Variants in TAFA1 observed in about 807,000 individuals in gnomAD.
TAFA1 encodes the protein TAFA chemokine like family member 1.
A neutral mutation model predicts 18.5 loss-of-function variants in TAFA1; 4 were observed. The ratio of observed to expected loss-of-function variants is 0.22; its 90% CI spans 0.11 to 0.49. TAFA1 has a LOEUF of 0.49. Among genes scored for constraint, TAFA1 ranks in the 20% least tolerant of loss-of-function variants. TAFA1 has a pLI of 0.98. For missense variants in TAFA1, 147 were observed against 169.0 expected, an observed-to-expected ratio of 0.87 and a Z score of 0.72; for synonymous variants, 56 against 55.2, an observed-to-expected ratio of 1.01 and a Z score of -0.06.
At chr3:68,327,735 T>A (rs887157281) in intron 2 of TAFA1, among the ~76,000 whole-genome samples, 1 of 152,222 alleles carries the variant, frequency 6.6e-6, no homozygotes, top group African/African-American at 2.4e-5. Context: ...TTATTCATAA[T>A]CAATTAACAT....
At chr3:68,075,010 C>A (rs1429250319) in intron 2 of TAFA1, among the ~76,000 whole-genome samples, 1 of 152,118 alleles carries the variant, frequency 6.6e-6, no homozygotes, top group East Asian at 1.9e-4. Flanking sequence ...AAAAGTGTAC[C>A]TTTGGTTTTC....
intron 2 of TAFA1, among the ~76,000 whole-genome samples, chr3:68,018,501 C>T (rs1288712914): frequency 6.6e-6 from 1 of 152,186 alleles, no homozygotes; most frequent in African/African-American, 2.4e-5. Context: ...TGGTTTATTG[C>T]ACCTCCTAGG....
intron 2 of TAFA1, among the ~76,000 whole-genome samples, chr3:68,029,595 C>T (rs553584488): frequency 2.0e-5 from 3 of 152,270 alleles, no homozygotes; most frequent in East Asian, 3.9e-4. Flanking sequence ...CCTGGGACCT[C>T]CTTGTACAGT....
chr3:68,529,087 A>G (rs757889784), intron 3 of TAFA1, among the ~76,000 whole-genome samples: 1 of 151,712 alleles, frequency 6.6e-6, no homozygotes, highest in Non-Finnish European at 1.5e-5. Context: ...ACCCCATGCC[A>G]CTCAAAGATT....
intron 2 of TAFA1, among the ~76,000 whole-genome samples, chr3:68,111,142 T>G (rs1027436709): frequency 2.7e-4 from 41 of 152,160 alleles, no homozygotes; most frequent in Admixed American, 2.0e-3. Context: ...ACAAGCAACA[T>G]TTAAAATAAA....
intron 2 of TAFA1, among the ~76,000 whole-genome samples, chr3:68,400,046 T>C (rs2070458192): frequency 6.6e-6 from 1 of 152,212 alleles, no homozygotes; most frequent in African/African-American, 2.4e-5. Context: ...CCAGGTCCAG[T>C]CTGACTTAAC....
In TAFA1 at chr3:68,338,008, T is replaced by G. The variant is rs1158993805; in HGVS notation, c.119-79272T>G. Among the ~76,000 whole-genome samples the G allele has an allele frequency of 5.3e-5, 8 of 152,336 alleles. No homozygotes were observed. The East Asian group carries it at 1.5e-3, about 29-fold the overall frequency. ...CAAATTAGATTAGCTGGTGTTCAAG[T>G]GCAAAGCTTAAGGTTCTTTGGGTTG... On this transcript the variant is annotated intron_variant, in intron 2 of 4. Coordinates refer to ENST00000478136, the MANE Select transcript of TAFA1 (RefSeq NM_213609.4).
At chr3:68,424,971 G>C (rs1455661297) in intron 3 of TAFA1, among the ~76,000 whole-genome samples, 2 of 151,972 alleles carry the variant, frequency 1.3e-5, no homozygotes, top group African/African-American at 2.4e-5. Flanking sequence ...AGTCTTCCGA[G>C]TTAATGGATA....
chr3:68,307,844 A>G lies in TAFA1; in HGVS notation c.119-109436A>G, dbSNP rs189533769. ...AGGTGAGCTGAGGTCAGGATTAGTT[A>G]TATGTAAAGATGCATAAGAAATGGC... On this transcript the variant is annotated intron_variant, in intron 2 of 4. Coordinates refer to ENST00000478136, the MANE Select transcript of TAFA1 (RefSeq NM_213609.4). Among the ~76,000 whole-genome samples, 536 of 152,294 alleles carry G rather than the reference A, an allele frequency of 3.5e-3. 4 individuals are homozygous for G. The highest frequency in any genetic ancestry group is 0.012 in the African/African-American group (514 of 41,574).
At chr3:68,433,697 A>G (rs992075367) in intron 3 of TAFA1, among the ~76,000 whole-genome samples, 1 of 152,134 alleles carries the variant, frequency 6.6e-6, no homozygotes, top group African/African-American at 2.4e-5. Flanking sequence ...CAGCTCTACT[A>G]TAATCCTAAA....
chr3:68,475,936 T>C (rs58726756), intron 3 of TAFA1, among the ~76,000 whole-genome samples: 30,008 of 152,174 alleles, frequency 0.2, 3,092 homozygotes, highest in African/African-American at 0.23. Flanking sequence ...TTTCATGTGT[T>C]TTTTGGCTGC....
chr3:68,118,443 C>G (rs964510958), intron 2 of TAFA1, among the ~76,000 whole-genome samples: 2 of 152,102 alleles, frequency 1.3e-5, no homozygotes, highest in African/African-American at 4.8e-5. Flanking sequence ...CTGTATGGCC[C>G]GGTTCCTAAC....
At chr3:68,080,716 C>G (rs562266500) in intron 2 of TAFA1, among the ~76,000 whole-genome samples, 129 of 152,244 alleles carry the variant, frequency 8.5e-4, no homozygotes, top group Non-Finnish European at 1.5e-3. Context: ...TTGAGGGTAA[C>G]CTGACCTTTC....
intron 2 of TAFA1, among the ~76,000 whole-genome samples, chr3:68,123,781 C>A (rs1185575816): frequency 6.7e-6 from 1 of 149,496 alleles, no homozygotes; most frequent in Non-Finnish European, 1.5e-5. Flanking sequence ...GTTATTTGTC[C>A]CACTGCAATA....
At chr3:68,286,248 T>G (rs1271573084) in intron 2 of TAFA1, among the ~76,000 whole-genome samples, 1 of 151,856 alleles carries the variant, frequency 6.6e-6, no homozygotes, top group Non-Finnish European at 1.5e-5. Context: ...TTAAAAAAAT[T>G]TTTTAAATTA....
At chr3:67,999,560 A>G (rs1030408654), upstream of TAFA1, among the ~76,000 whole-genome samples, 2 of 151,922 alleles carry the variant, frequency 1.3e-5, no homozygotes, top group African/African-American at 4.8e-5. Context: ...GACTTTTTTT[A>G]TTCTCCAGGG....
intron 2 of TAFA1, among the ~76,000 whole-genome samples, chr3:68,375,905 A>G (rs1203439941): frequency 6.6e-6 from 1 of 152,198 alleles, no homozygotes. Context: ...AAGTGAAAGA[A>G]TCTCTAAAGA....
intron 2 of TAFA1, among the ~76,000 whole-genome samples, chr3:68,027,152 G>A (rs541928800): frequency 6.6e-6 from 1 of 152,236 alleles, no homozygotes; most frequent in African/African-American, 2.4e-5. Context: ...CTGCAACACT[G>A]GGAATTGCAA....
At chr3:68,402,421 A>G (rs556895790) in intron 2 of TAFA1, among the ~76,000 whole-genome samples, 172 of 152,292 alleles carry the variant, frequency 1.1e-3, no homozygotes, top group Admixed American at 2.8e-3. Flanking sequence ...CTTATTTATC[A>G]TCTTGATAAA....
Sources: allele counts gnomAD v4.1 joint callset (sites outside exome capture counted in the v4.1 genomes callset), GRCh38; gene constraint gnomAD v4.1.1; transcripts MANE v1.5; gene names NCBI Gene and HGNC (gene_info 2026-07-23, HGNC 2026-07-21).